Variants in EIF4G2 observed in about 807,000 individuals in gnomAD.
EIF4G2 encodes the protein eukaryotic translation initiation factor 4 gamma 2.
In EIF4G2, 8 loss-of-function variants were observed where a neutral mutation model predicts 117.7. That is an observed-to-expected ratio of 0.07 (90% confidence interval 0.04 to 0.12). EIF4G2 has a LOEUF of 0.12. EIF4G2 is among the 10% of genes least tolerant of loss of function. The pLI is 1.00. For synonymous variants in EIF4G2, 413 were observed against 367.8 expected, an observed-to-expected ratio of 1.12 and a Z score of -1.41; for missense variants, 812 against 1,086.2, an observed-to-expected ratio of 0.75 and a Z score of 3.55.
intron 11 of EIF4G2, among the ~76,000 whole-genome samples, 184 bp from the exon 12 acceptor site, chr11:10,802,619 G>A (rs1446411627): frequency 1.3e-5 from 2 of 152,134 alleles, no homozygotes; most frequent in African/African-American, 2.4e-5. Flanking sequence ...GTAATCCCCC[G>A]ACTTTGGGAG....
intron 11 of EIF4G2, 147 bp downstream of exon 11, chr11:10,802,881 TAA>T: frequency 1.5e-6 from 1 of 678,320 alleles, no homozygotes; most frequent in African/African-American, 1.8e-5. Flanking sequence ...AATAAAAAAA[TAA>T]AAGTGGAAGA....
Position 10,803,735 on chromosome 11 carries a change from T to G in EIF4G2, c.703-145A>C, listed in dbSNP as rs568292883. ...CTTTCTACCAGTCTGGTTGATCAGTTCTAACTCTACTTTGTCAAACACACC... is the reference window on the plus strand; with the variant it reads ...CTTTCTACCAGTCTGGTTGATCAGTGCTAACTCTACTTTGTCAAACACACC... On this transcript the variant is annotated intron_variant, in intron 8 of 21. Transcript: ENST00000339995. The surrounding 1 kb of genome is among the most constrained non-coding windows in gnomAD (Gnocchi z 4.0). The G allele has an allele frequency of 1.7e-6, 2 of 1,153,722 alleles. No individual in the cohort carries two copies. The highest frequency in any genetic ancestry group is 4.5e-5 in the Admixed American group (2 of 44,436). 71.5% of individuals were successfully genotyped at this position (1,153,722 alleles called of 1,614,324 possible).
In EIF4G2 at chr11:10,803,125, T is replaced by C; in HGVS notation, c.901A>G (p.Thr301Ala). Reference sequence around the variant, plus strand: ...CAATGGTGTTCTCGCAACTCTACGGTATCCTTTAATTGAAAAATAATTTTA... The same window carrying C: ...CAATGGTGTTCTCGCAACTCTACGGCATCCTTTAATTGAAAAATAATTTTA... The change falls in exon 11 of 22, where the codon ACC becomes GCC. Residue 301 changes from threonine (T) to alanine (A), a missense_variant. Physicochemically the swap from Thr to Ala is moderately conservative, Grantham distance 58. This residue lies in a region of EIF4G2 where 154 missense variants were observed against 322.1 expected (regional missense o/e 0.48). Coordinates refer to ENST00000339995, the MANE Select transcript of EIF4G2 (RefSeq NM_001418.4). The surrounding 1 kb of genome is among the most constrained non-coding windows in gnomAD (Gnocchi z 4.0). 1 of 1,607,348 alleles carries C rather than the reference T, an allele frequency of 6.2e-7. No individual in the cohort carries two copies. Among genetic ancestry groups the C allele is most frequent in the African/African-American group, 1.3e-5 (1 of 74,516 alleles).
rs181991264 is a variant in EIF4G2 at position 10,803,861 on chromosome 11, G to A, written c.702+38C>T. 121 of 1,588,538 alleles carry A rather than the reference G, an allele frequency of 7.6e-5. No individual in the cohort carries two copies. Among genetic ancestry groups the A allele is most frequent in the Admixed American group, 4.9e-4 (28 of 57,114 alleles). ...AATAATTGACTCATTTCCTCCAAAC[G>A]ACTGACTACATTCGCCTAACTTCCC... On this transcript the variant is annotated intron_variant, in intron 8 of 21. Transcript: ENST00000339995. This position sits in a 1 kb window ranked among gnomAD's most constrained non-coding sequence, Gnocchi z 4.0.
chr11:10,806,828 A>G lies in EIF4G2; in HGVS notation c.99T>C (p.Ala33=), dbSNP rs1303113115. 3 of 1,614,094 alleles carry G rather than the reference A, an allele frequency of 1.9e-6. No homozygotes were observed. The highest frequency in any genetic ancestry group is 2.5e-6 in the Non-Finnish European group (3 of 1,180,040). The change falls in exon 3 of 22, where the codon GCT becomes GCC. Residue 33 remains alanine (A), a synonymous_variant. Coordinates refer to ENST00000339995, the MANE Select transcript of EIF4G2 (RefSeq NM_001418.4). The stretch of plus-strand genomic sequence containing the variant: ...TTACATGTTTACCACACCTGTTGCC[A>G]GCAGTCTTGGGATAGTGCTGAGGTG...
chr11:10,800,387 T>C (rs764906826), intron 17 of EIF4G2, 39 bp from the exon 18 acceptor site: 4 of 1,612,502 alleles, frequency 2.5e-6, no homozygotes, highest in East Asian at 2.2e-5. Flanking sequence ...GTTTTCGAAT[T>C]TGAGTGGTAA....
Position 10,803,838 on chromosome 11 carries a change from T to C in EIF4G2, c.702+61A>G. Reference sequence around the variant, plus strand: ...CTAGTCAACCTCCCTCTTAGATGAATAATTGACTCATTTCCTCCAAACGAC... The same window carrying C: ...CTAGTCAACCTCCCTCTTAGATGAACAATTGACTCATTTCCTCCAAACGAC... On this transcript the variant is annotated intron_variant, in intron 8 of 21. Coordinates refer to ENST00000339995, the MANE Select transcript of EIF4G2 (RefSeq NM_001418.4). The surrounding 1 kb of genome is among the most constrained non-coding windows in gnomAD (Gnocchi z 4.0). 6.4e-7 allele frequency: 1 copy of C among 1,554,536 alleles called. No homozygotes were observed. The highest frequency in any genetic ancestry group is 2.3e-5 in the East Asian group (1 of 44,236).
intron 6 of EIF4G2, 36 bp from the exon 7 acceptor site, chr11:10,804,239 A>C (rs751191346): frequency 8.7e-6 from 14 of 1,612,948 alleles, no homozygotes; most frequent in African/African-American, 1.3e-5. Context: ...TTATTAAGGA[A>C]ATTTTTCAAG....
Position 10,803,877 on chromosome 11 carries a change from C to G in EIF4G2, c.702+22G>C, listed in dbSNP as rs776426378. 5 of 1,599,570 alleles carry G rather than the reference C, an allele frequency of 3.1e-6. No individual in the cohort carries two copies. The South Asian group carries it at 4.4e-5, about 14-fold the overall frequency. On this transcript the variant is annotated intron_variant, in intron 8 of 21. Transcript: ENST00000339995. The surrounding 1 kb of genome is among the most constrained non-coding windows in gnomAD (Gnocchi z 4.0). ...CCTCCAAACGACTGACTACATTCGCCTAACTTCCCTGTCACACTTACTGTT... is the reference window on the plus strand; with the variant it reads ...CCTCCAAACGACTGACTACATTCGCGTAACTTCCCTGTCACACTTACTGTT...
intron 1 of EIF4G2, chr11:10,807,651 T>C: frequency 9.5e-7 from 1 of 1,048,264 alleles, no homozygotes; most frequent in Non-Finnish European, 1.1e-6. Flanking sequence ...CATTCTACTA[T>C]CTTTAAAACT....
Position 10,804,067 on chromosome 11 carries a change from T to G in EIF4G2, c.551-17A>C. On this transcript the variant is annotated splice_polypyrimidine_tract_variant and intron_variant, in intron 7 of 21. Transcript: ENST00000339995. ...TATCATAGACTGAAAAAGATACCAA[T>G]GAAGTAAGCCAACATTCAGAATTAA... The G allele has an allele frequency of 6.2e-7, 1 of 1,612,904 alleles. No individual in the cohort carries two copies. Among genetic ancestry groups the G allele is most frequent in the Non-Finnish European group, 8.5e-7 (1 of 1,179,084 alleles).
chr11:10,805,327 G>A (rs1847534650), intron 4 of EIF4G2, among the ~76,000 whole-genome samples: 1 of 152,138 alleles, frequency 6.6e-6, no homozygotes, highest in African/African-American at 2.4e-5. Context: ...CTGCCTCACT[G>A]GCTTAAATAA....
chr11:10,801,795 G>T (rs768184639), intron 13 of EIF4G2, 21 bp from the exon 14 acceptor site: 6 of 1,607,104 alleles, frequency 3.7e-6, no homozygotes, highest in Non-Finnish European at 5.1e-6. Context: ...AAAGGAGAAA[G>T]AAAGTCTAGA....
chr11:10,806,513 T>G (rs1251490203), intron 3 of EIF4G2: 1 of 365,598 alleles, frequency 2.7e-6, no homozygotes, highest in Non-Finnish European at 5.0e-6. Flanking sequence ...TTATTGACCA[T>G]GTTGAGTGCG....
At chr11:10,805,425 A>C (rs1349372275) in intron 4 of EIF4G2, among the ~76,000 whole-genome samples, 1 of 152,008 alleles carries the variant, frequency 6.6e-6, no homozygotes, top group Non-Finnish European at 1.5e-5. Flanking sequence ...GAAGCCCCAA[A>C]ATATGACGTG....
Position 10,805,991 on chromosome 11 carries a change from C to T in EIF4G2, c.164G>A (p.Ser55Asn). 1 of 1,614,210 alleles carries T rather than the reference C, an allele frequency of 6.2e-7. No homozygotes were observed. Among genetic ancestry groups the T allele is most frequent in the Non-Finnish European group, 8.5e-7 (1 of 1,180,034 alleles). The change falls in exon 4 of 22, where the codon AGC becomes AAC. Residue 55 changes from serine (S) to asparagine (N), a missense_variant. Transcript: ENST00000339995. ...TGCGGAGTTGTCATCTCGTCTAGTGCTTCGTGCAGGAATCCATTTCTGAGC... is the reference window on the plus strand; with the variant it reads ...TGCGGAGTTGTCATCTCGTCTAGTGTTTCGTGCAGGAATCCATTTCTGAGC...
chr11:10,806,234 G>T (rs1278951760), intron 3 of EIF4G2, 187 bp from the exon 4 acceptor site: 4 of 764,620 alleles, frequency 5.2e-6, no homozygotes, highest in Admixed American at 2.9e-5. Context: ...TGTTAATACA[G>T]ATTGCTGGGC....
chr11:10,806,315 T>C (rs1032552524), intron 3 of EIF4G2: 2 of 492,788 alleles, frequency 4.1e-6, no homozygotes, highest in Non-Finnish European at 7.2e-6. Flanking sequence ...ATATTCCCAG[T>C]ATCAACGCTG....
Position 10,806,888 on chromosome 11 carries a change from A to G in EIF4G2, c.42-3T>C, listed in dbSNP as rs895409566. The G allele has an allele frequency of 5.0e-6, 8 of 1,613,862 alleles. No individual in the cohort carries two copies. The African/African-American group carries it at 9.4e-5, about 19-fold the overall frequency. On this transcript the variant is annotated splice_region_variant and splice_polypyrimidine_tract_variant and intron_variant, in intron 2 of 21. Transcript: ENST00000339995. ...TTCCTCCTCCGCCCGAAGAAGCACT[A>G]TTTAAAAGAAAAAAATTGTTTACTG... is the stretch of plus-strand genomic sequence containing the variant.
Sources: gnomAD v4.1 joint callset for allele counts (sites outside exome capture counted in the v4.1 genomes callset) on GRCh38, gnomAD v4.1.1 for gene constraint, gnomAD v4.1.1 regional missense constraint, Gnocchi (gnomAD v3.1) non-coding constraint, MANE v1.5 for transcripts, NCBI Gene and HGNC (gene_info 2026-07-23, HGNC 2026-07-21) for gene names.